Variants in RGS12 observed in about 807,000 individuals in gnomAD.
RGS12 encodes regulator of G protein signaling 12.
Under a neutral mutation model 120.1 loss-of-function variants are expected in RGS12, and 66 were observed. That is an observed-to-expected ratio of 0.55 (90% CI 0.45 to 0.67). The LOEUF (loss-of-function observed/expected upper bound fraction) is 0.67. Ranked by LOEUF, RGS12 falls within the 30% of genes least tolerant of loss-of-function variation. The pLI is 0.00. For synonymous variants in RGS12, 827 were observed against 804.7 expected, an observed-to-expected ratio of 1.03 and a Z score of -0.47; for missense variants, 1,859 against 1,957.7, an observed-to-expected ratio of 0.95 and a Z score of 0.95.
intron 2 of RGS12, among the ~76,000 whole-genome samples, chr4:3,340,278 G>C (rs1179421703): frequency 6.6e-6 from 1 of 152,260 alleles, no homozygotes; most frequent in Non-Finnish European, 1.5e-5. Flanking sequence ...ACGAAGCGAA[G>C]GGCGCTGCTG....
At chr4:3,369,301 T>C (rs1716722347) in intron 3 of RGS12, among the ~76,000 whole-genome samples, 1 of 152,234 alleles carries the variant, frequency 6.6e-6, no homozygotes, top group South Asian at 2.1e-4. Context: ...TGAAACGAAG[T>C]GTGTGTCCAG....
chr4:3,431,922 C>T lies in RGS12; in HGVS notation c.4114+967C>T, dbSNP rs559493417. Reference sequence around the variant, plus strand: ...CCTCGCCGGGGGACCAGGGAGTGCACGTCTGTAGATCTGTACATATCTGGG... The same window carrying T: ...CCTCGCCGGGGGACCAGGGAGTGCATGTCTGTAGATCTGTACATATCTGGG... On this transcript the variant is annotated intron_variant, in intron 17 of 17. Coordinates refer to ENST00000336727, the MANE Select transcript of RGS12 (RefSeq NM_001394154.1). 134 of 985,480 alleles carry T rather than the reference C, an allele frequency of 1.4e-4. No individual in the cohort carries two copies. In the African/African-American group the frequency reaches 2.0e-3, roughly 14 times the overall value. 61.0% of individuals were successfully genotyped at this position (985,480 alleles called of 1,614,324 possible). A position where few individuals can be genotyped will look rare whatever the true frequency, so the allele number is the denominator to read the frequency against.
intron 12 of RGS12, 64 bp from the exon 13 acceptor site, chr4:3,423,451 G>A (rs1336925081): frequency 1.8e-5 from 29 of 1,599,130 alleles, no homozygotes; most frequent in Admixed American, 8.4e-5. Flanking sequence ...AGTTCTGCTC[G>A]TGAGACTGAT....
At position 3,390,784 on chromosome 4, in the gene RGS12, C is replaced by T. The variant is rs1017265839; in HGVS notation, c.2020+4347C>T. ...CTTGTTAGCGAACAGGCACTGAGGC[C>T]TGGGGAGCTGTCACAAACGGCTGCC... On this transcript the variant is annotated intron_variant, in intron 4 of 17. Transcript: ENST00000336727. This position sits in a 1 kb window ranked among gnomAD's most constrained non-coding sequence, Gnocchi z 4.6. 2.6e-5 allele frequency among the ~76,000 whole-genome samples: 4 copies of T among 152,226 alleles called. No homozygotes were observed. The highest frequency in any genetic ancestry group is 4.4e-5 in the Non-Finnish European group (3 of 68,040).
intron 17 of RGS12, among the ~76,000 whole-genome samples, chr4:3,432,718 C>A (rs1022816799): frequency 6.6e-6 from 1 of 152,228 alleles, no homozygotes; most frequent in South Asian, 2.1e-4. Context: ...GTGGCTGCCC[C>A]GACTGCCACT....
At chr4:3,421,132 C>T (rs1296998949) in intron 10 of RGS12, among the ~76,000 whole-genome samples, 4 of 152,176 alleles carry the variant, frequency 2.6e-5, no homozygotes, top group Non-Finnish European at 5.9e-5. Context: ...CAGGATTTAC[C>T]CCTCTGCCTG....
At chr4:3,313,152 G>C (rs1429842744) in intron 1 of RGS12, 2 of 152,248 alleles carry the variant, frequency 1.3e-5, no homozygotes, top group East Asian at 1.9e-4. Context: ...ATGACAGTAA[G>C]AGTCTAGTAG....
At position 3,433,058 on chromosome 4, in the gene RGS12, C is replaced by T. The variant is rs532390859; in HGVS notation, c.4114+2103C>T. On this transcript the variant is annotated intron_variant, in intron 17 of 17. Transcript: ENST00000336727. The surrounding 1 kb of genome is among the most constrained non-coding windows in gnomAD (Gnocchi z 4.4). ...TATTGGAGAGTTCACCTGCCCATGG[C>T]GGCAAAGGAAACAGGCTGTGAATGC... 3.3e-5 allele frequency among the ~76,000 whole-genome samples: 5 copies of T among 152,310 alleles called. No homozygotes were observed. The highest frequency in any genetic ancestry group is 1.9e-4 in the East Asian group (1 of 5,182).
rs569427556 is a variant in RGS12 at position 3,374,716 on chromosome 4, C to T, written c.1999-11700C>T. 5.3e-5 allele frequency among the ~76,000 whole-genome samples: 8 copies of T among 152,128 alleles called. No homozygotes were observed. Among genetic ancestry groups the T allele is most frequent in the African/African-American group, 1.9e-4 (8 of 41,480 alleles). On this transcript the variant is annotated intron_variant, in intron 3 of 17. Transcript: ENST00000336727. This position sits in a 1 kb window ranked among gnomAD's most constrained non-coding sequence, Gnocchi z 6.3. ...TCCCTGAGTTTACACTTTCTCACCC[C>T]CATTGCTGCAGCCTGCCCTCGTCCC...
intron 4 of RGS12, among the ~76,000 whole-genome samples, chr4:3,404,541 A>G (rs1305056428): frequency 6.6e-6 from 1 of 152,240 alleles, no homozygotes; most frequent in Non-Finnish European, 1.5e-5. Context: ...GGACAAACAC[A>G]TCAGAGCTCA....
chr4:3,404,333 G>A (rs935638564), intron 4 of RGS12, among the ~76,000 whole-genome samples: 19 of 152,298 alleles, frequency 1.2e-4, no homozygotes, highest in East Asian at 5.8e-4. Context: ...GAATTTTGCC[G>A]CTGTAGTGAC....
intron 1 of RGS12, among the ~76,000 whole-genome samples, chr4:3,297,416 A>T (rs1723440852): frequency 6.6e-6 from 1 of 152,200 alleles, no homozygotes; most frequent in Admixed American, 6.5e-5. Context: ...GCTCCTTTAA[A>T]GCTTAAGACA....
chr4:3,307,186 G>T (rs1229603966), intron 1 of RGS12, among the ~76,000 whole-genome samples: 1 of 152,184 alleles, frequency 6.6e-6, no homozygotes, highest in Non-Finnish European at 1.5e-5. Flanking sequence ...CCTAGGATAC[G>T]GCCTTTGCCG....
rs781263901 is a variant in RGS12 at position 3,430,581 on chromosome 4, C to T, written c.3740C>T (p.Thr1247Ile). The change falls in exon 17 of 18, where the codon ACA becomes ATA. Residue 1247 changes from threonine to isoleucine, a missense_variant. Transcript: ENST00000336727. ...VAKGFSKRSA[T>I]GNGRESASQP... ...AAGGGCTTTAGCAAGAGAAGCGCCACAGGCAACGGCCGGGAGAGCGCCTCC... is the reference window on the plus strand; with the variant it reads ...AAGGGCTTTAGCAAGAGAAGCGCCATAGGCAACGGCCGGGAGAGCGCCTCC... 12 of 1,612,822 alleles carry T rather than the reference C, an allele frequency of 7.4e-6. No individual in the cohort carries two copies. In the East Asian group the frequency reaches 2.5e-4, roughly 33 times the overall value.
In RGS12 at chr4:3,390,668, G is replaced by A. The variant is rs964472530; in HGVS notation, c.2020+4231G>A. Among the ~76,000 whole-genome samples the A allele has an allele frequency of 7.9e-5, 12 of 152,122 alleles. No individual in the cohort carries two copies. Among genetic ancestry groups the A allele is most frequent in the Admixed American group, 5.2e-4 (8 of 15,280 alleles). On this transcript the variant is annotated intron_variant, in intron 4 of 17. Coordinates refer to ENST00000336727, the MANE Select transcript of RGS12 (RefSeq NM_001394154.1). The surrounding 1 kb of genome is among the most constrained non-coding windows in gnomAD (Gnocchi z 4.6). Reference sequence around the variant, plus strand: ...CAGACCTGGCCATGGCGGAAGATTCGGGCTCCACCTGCAGCTCCACAGCTG... The same window carrying A: ...CAGACCTGGCCATGGCGGAAGATTCAGGCTCCACCTGCAGCTCCACAGCTG...
rs1461024269 is a variant in RGS12 at position 3,390,251 on chromosome 4, C to G, written c.2020+3814C>G. Among the ~76,000 whole-genome samples the G allele has an allele frequency of 6.6e-6, 1 of 152,200 alleles. No individual in the cohort carries two copies. Among genetic ancestry groups the G allele is most frequent in the African/African-American group, 2.4e-5 (1 of 41,456 alleles). On this transcript the variant is annotated intron_variant, in intron 4 of 17. Coordinates refer to ENST00000336727, the MANE Select transcript of RGS12 (RefSeq NM_001394154.1). This position sits in a 1 kb window ranked among gnomAD's most constrained non-coding sequence, Gnocchi z 4.6. ...AGCGATGGCCACTGTCAATTTCCTGCCCGTGCTAGGGGCAGCTTCCATCAT... is the reference window on the plus strand; with the variant it reads ...AGCGATGGCCACTGTCAATTTCCTGGCCGTGCTAGGGGCAGCTTCCATCAT...
At chr4:3,383,261 C>T (rs769302044) in intron 3 of RGS12, among the ~76,000 whole-genome samples, 2 of 152,068 alleles carry the variant, frequency 1.3e-5, no homozygotes, top group Admixed American at 6.6e-5. Flanking sequence ...GTTCCTTCCT[C>T]GTCTCTTTTC....
intron 2 of RGS12, among the ~76,000 whole-genome samples, chr4:3,335,625 C>T (rs1446746217): frequency 2.0e-5 from 3 of 152,300 alleles, no homozygotes; most frequent in Admixed American, 1.3e-4. Flanking sequence ...TTGCCCAGCT[C>T]ATTGCGCCAA....
At chr4:3,294,421 A>C (rs1198888358) in intron 1 of RGS12, among the ~76,000 whole-genome samples, 1 of 152,218 alleles carries the variant, frequency 6.6e-6, no homozygotes, top group Non-Finnish European at 1.5e-5. Context: ...AATTCTGAGT[A>C]AGGGAGAACC....
Sources: allele counts gnomAD v4.1 joint callset (sites outside exome capture counted in the v4.1 genomes callset), GRCh38; gene constraint gnomAD v4.1.1; non-coding constraint Gnocchi (gnomAD v3.1); transcripts MANE v1.5; gene names NCBI Gene and HGNC (gene_info 2026-07-23, HGNC 2026-07-21).